Variants in MAML3 observed in about 807,000 individuals in gnomAD.
MAML3 encodes mastermind like transcriptional coactivator 3, also known as mastermind-like protein 3.
Under a neutral mutation model 101.9 loss-of-function variants are expected in MAML3, and 27 were observed. The ratio of observed to expected loss-of-function variants is 0.27; its 90% confidence interval spans 0.20 to 0.37. MAML3 has a LOEUF of 0.37. Among genes scored for constraint, MAML3 ranks in the 10% least tolerant of loss-of-function variants. MAML3 has a pLI of 1.00. For missense variants in MAML3, 1,316 were observed against 1,444.9 expected (o/e 0.91, Z 1.45); for synonymous variants, 501 against 555.9 (o/e 0.90, Z 1.39).
intron 2 of MAML3, among the ~76,000 whole-genome samples, chr4:139,772,225 G>A (rs1730008301): frequency 1.0e-5 from 1 of 95,818 alleles, no homozygotes; most frequent in Non-Finnish European, 1.9e-5. Flanking sequence ...GGGTGACAGA[G>A]CGAGACTCCG....
intron 1 of MAML3, among the ~76,000 whole-genome samples, chr4:140,151,153 G>A (rs909701503): frequency 1.2e-4 from 18 of 152,116 alleles, no homozygotes; most frequent in Non-Finnish European, 2.2e-4. Context: ...CCACGGCCAC[G>A]TTCCAAAAGG....
intron 2 of MAML3, among the ~76,000 whole-genome samples, chr4:139,864,377 A>G (rs1416146833): frequency 6.6e-6 from 1 of 152,148 alleles, no homozygotes; most frequent in South Asian, 2.1e-4. Flanking sequence ...TTCACTTGTG[A>G]TGAATAAAAA....
chr4:140,114,992 T>A (rs1051158970), intron 1 of MAML3, among the ~76,000 whole-genome samples: 1 of 152,232 alleles, frequency 6.6e-6, no homozygotes, highest in African/African-American at 2.4e-5. Context: ...ATTCAACTCA[T>A]AAACAAATTG....
At chr4:139,988,367 C>T (rs1028462560) in intron 1 of MAML3, among the ~76,000 whole-genome samples, 2 of 151,338 alleles carry the variant, frequency 1.3e-5, no homozygotes, top group Non-Finnish European at 2.9e-5. Flanking sequence ...GTGAACTGTC[C>T]CACCATTACT....
At chr4:139,932,107 G>GT (rs1458308685) in intron 1 of MAML3, among the ~76,000 whole-genome samples, 2 of 151,906 alleles carry the variant, frequency 1.3e-5, no homozygotes, top group East Asian at 3.9e-4. Flanking sequence ...CCAAATTTTT[G>GT]TAAGAAAAAA....
At chr4:139,818,302 G>A (rs191676358) in intron 2 of MAML3, among the ~76,000 whole-genome samples, 1 of 152,286 alleles carries the variant, frequency 6.6e-6, no homozygotes, top group Admixed American at 6.5e-5. Context: ...ATCATGGGCT[G>A]TAATTATGTA....
intron 1 of MAML3, among the ~76,000 whole-genome samples, chr4:139,968,371 A>G (rs1439562572): frequency 2.0e-5 from 3 of 151,894 alleles, no homozygotes; most frequent in Non-Finnish European, 2.9e-5. Context: ...ACCAGAGCCC[A>G]TATGAGGTTT....
chr4:139,925,138 C>G (rs1056013940), intron 1 of MAML3, among the ~76,000 whole-genome samples: 1 of 152,100 alleles, frequency 6.6e-6, no homozygotes, highest in Admixed American at 6.5e-5. Context: ...TAGAGAGGTT[C>G]CTTTTTCATT....
chr4:140,150,798 G>C (rs1257490714), intron 1 of MAML3, among the ~76,000 whole-genome samples: 1 of 152,102 alleles, frequency 6.6e-6, no homozygotes, highest in African/African-American at 2.4e-5. Context: ...GAAAGGGACC[G>C]GAGCTACAGT....
At chr4:139,936,598 G>A (rs150092849) in intron 1 of MAML3, among the ~76,000 whole-genome samples, 117 of 152,156 alleles carry the variant, frequency 7.7e-4, no homozygotes, top group African/African-American at 1.9e-3. Context: ...TTGGAAGGCC[G>A]AGGCAGGAGG....
chr4:140,001,423 C>T (rs1186983590), intron 1 of MAML3, among the ~76,000 whole-genome samples: 1 of 152,156 alleles, frequency 6.6e-6, no homozygotes, highest in Admixed American at 6.5e-5. Flanking sequence ...TTAAAACATA[C>T]CCCCAAGAGG....
At position 139,883,946 on chromosome 4, in the gene MAML3, A is replaced by G. The variant is rs563540979; in HGVS notation, c.2079+5411T>C. Among the ~76,000 whole-genome samples, 19 of 129,806 alleles carry G rather than the reference A, an allele frequency of 1.5e-4. No homozygotes were observed. The East Asian group carries it at 4.1e-3, about 28-fold the overall frequency. 85.2% of individuals were successfully genotyped at this position (129,806 alleles called of 152,430 possible). A position where few individuals can be genotyped will look rare whatever the true frequency, so the allele number is the denominator to read the frequency against. On this transcript the variant is annotated intron_variant, in intron 2 of 4. Transcript: ENST00000509479. ...CTCTTGTTGCCCAGGCTGGAGTGCA[A>G]TGGGCAGTCACTGAAACCCCTGCCT...
intron 1 of MAML3, among the ~76,000 whole-genome samples, chr4:140,092,177 C>CA (rs889973804): frequency 6.8e-5 from 10 of 147,250 alleles, no homozygotes; most frequent in Non-Finnish European, 1.4e-4. Flanking sequence ...GATGGGAACT[C>CA]AGACTTAATT....
At chr4:139,997,813 T>C (rs948622184) in intron 1 of MAML3, among the ~76,000 whole-genome samples, 2 of 152,082 alleles carry the variant, frequency 1.3e-5, no homozygotes, top group Admixed American at 1.3e-4. Context: ...GATAGTTTGG[T>C]TAGGTACAGA....
At chr4:139,894,055 G>C (rs1452522270) in intron 1 of MAML3, among the ~76,000 whole-genome samples, 1 of 152,176 alleles carries the variant, frequency 6.6e-6, no homozygotes, top group Non-Finnish European at 1.5e-5. Flanking sequence ...CAATGCAAGA[G>C]AGGGGGAGGA....
chr4:139,940,936 A>G (rs1733586046), intron 1 of MAML3, among the ~76,000 whole-genome samples: 1 of 152,234 alleles, frequency 6.6e-6, no homozygotes, highest in African/African-American at 2.4e-5. Context: ...CTTTGTTATT[A>G]ATGATATTGT....
chr4:140,016,233 A>C (rs1344381987), intron 1 of MAML3, among the ~76,000 whole-genome samples: 1 of 152,216 alleles, frequency 6.6e-6, no homozygotes, highest in Non-Finnish European at 1.5e-5. Flanking sequence ...TAACAAAACA[A>C]ATACAGGACT....
At position 140,134,166 on chromosome 4, in the gene MAML3, C is replaced by T. The variant is rs1476131798; in HGVS notation, c.468+18694G>A. On this transcript the variant is annotated intron_variant, in intron 1 of 4. Transcript: ENST00000509479. ...TTTGTGGCTCATTATCTTCTTGCTT[C>T]CATTTCTTAAAGGGAGAATATGTAG... The T allele has an allele frequency of 1.5e-5, 7 of 456,554 alleles. No homozygotes were observed. The East Asian group carries it at 2.1e-4, about 14-fold the overall frequency. 28.3% of individuals were successfully genotyped at this position (456,554 alleles called of 1,614,324 possible).
At chr4:139,824,720 T>C (rs1388390595) in intron 2 of MAML3, among the ~76,000 whole-genome samples, 1 of 152,166 alleles carries the variant, frequency 6.6e-6, no homozygotes, top group African/African-American at 2.4e-5. Context: ...TAATCTATTT[T>C]CCCCCATTAG....
Sources: allele counts gnomAD v4.1 joint callset (sites outside exome capture counted in the v4.1 genomes callset), GRCh38; gene constraint gnomAD v4.1.1; transcripts MANE v1.5; gene names NCBI Gene and HGNC (gene_info 2026-07-23, HGNC 2026-07-21).